The following LRRTM4 variants were observed in gnomAD, a reference collection of about 807,000 sequenced individuals.
LRRTM4 encodes leucine-rich repeat transmembrane neuronal protein 4.
A neutral mutation model predicts 47.6 loss-of-function variants in LRRTM4; 25 were observed. The ratio of observed to expected loss-of-function variants is 0.53; its 90% CI spans 0.38 to 0.73. LRRTM4 has a LOEUF of 0.73. Among genes scored for constraint, LRRTM4 ranks in the 30% least tolerant of loss-of-function variants. The pLI is 0.00. For synonymous variants in LRRTM4, 311 were observed against 269.5 expected (o/e 1.15, Z -1.51); for missense variants, 638 against 713.4 (o/e 0.89, Z 1.20).
intron 3 of LRRTM4, among the ~76,000 whole-genome samples, chr2:76,773,200 G>C (rs1328957783): frequency 6.6e-6 from 1 of 152,208 alleles, no homozygotes; most frequent in Non-Finnish European, 1.5e-5. Flanking sequence ...TCTGGGGAAT[G>C]ATAGGAGCCT....
chr2:76,908,190 T>C (rs9751963), intron 3 of LRRTM4, among the ~76,000 whole-genome samples: 3 of 148,470 alleles, frequency 2.0e-5, no homozygotes, highest in Admixed American at 6.7e-5. Context: ...TGGTTCAATA[T>C]ACGCAAATCA....
intron 3 of LRRTM4, among the ~76,000 whole-genome samples, chr2:76,868,372 A>G (rs1189689237): frequency 6.6e-6 from 1 of 152,200 alleles, no homozygotes; most frequent in East Asian, 1.9e-4. Context: ...GACATAAGTT[A>G]CGGTGGGTTT....
chr2:76,964,109 A>G (rs183750790), intron 3 of LRRTM4, among the ~76,000 whole-genome samples: 201 of 151,156 alleles, frequency 1.3e-3, no homozygotes, highest in Non-Finnish European at 1.1e-3. Context: ...TTGGAATTCT[A>G]AAATAAAAAT....
At chr2:77,467,886 A>G (rs1677039836) in intron 3 of LRRTM4, among the ~76,000 whole-genome samples, 1 of 152,204 alleles carries the variant, frequency 6.6e-6, no homozygotes, top group African/African-American at 2.4e-5. Flanking sequence ...TTTTTTAAAA[A>G]ATATCAAAGG....
intron 3 of LRRTM4, among the ~76,000 whole-genome samples, chr2:77,133,830 A>C (rs1330380555): frequency 6.6e-6 from 1 of 152,220 alleles, no homozygotes; most frequent in African/African-American, 2.4e-5. Flanking sequence ...CAGTTGGAAT[A>C]AATGTATGTG....
chr2:77,262,518 G>C (rs1160777712), intron 3 of LRRTM4, among the ~76,000 whole-genome samples: 2 of 147,054 alleles, frequency 1.4e-5, no homozygotes, highest in African/African-American at 2.6e-5. Flanking sequence ...TTTTTTTTCT[G>C]TTCTAGGATC....
At chr2:77,291,884 A>T (rs371824564) in intron 3 of LRRTM4, among the ~76,000 whole-genome samples, 4 of 152,234 alleles carry the variant, frequency 2.6e-5, no homozygotes, top group African/African-American at 9.6e-5. Context: ...ACAGCAAAAG[A>T]AACTACCATC....
At chr2:77,485,737 T>C (rs1347879456) in intron 3 of LRRTM4, among the ~76,000 whole-genome samples, 1 of 152,138 alleles carries the variant, frequency 6.6e-6, no homozygotes, top group Non-Finnish European at 1.5e-5. Flanking sequence ...GACACTATTA[T>C]TACTATTTTT....
chr2:77,291,403 T>G (rs576252928), intron 3 of LRRTM4, among the ~76,000 whole-genome samples: 14 of 152,250 alleles, frequency 9.2e-5, no homozygotes, highest in East Asian at 7.7e-4. Context: ...TTCTGCCATG[T>G]GTATTTTTAC....
At chr2:77,458,495 T>C (rs1257515467) in intron 3 of LRRTM4, among the ~76,000 whole-genome samples, 1 of 152,120 alleles carries the variant, frequency 6.6e-6, no homozygotes, top group African/African-American at 2.4e-5. Context: ...GAAGCAGCAC[T>C]GTGGCAGGGT....
intron 3 of LRRTM4, among the ~76,000 whole-genome samples, chr2:76,959,871 C>T (rs1334888189): frequency 6.6e-6 from 1 of 151,534 alleles, no homozygotes; most frequent in Non-Finnish European, 1.5e-5. Context: ...AACTCCAACC[C>T]TTATTTGGTT....
At position 77,466,015 on chromosome 2, in the gene LRRTM4, T is replaced by C. The variant is rs773414398; in HGVS notation, c.1551+52303A>G. ...ATTATAATCCATTCATAGAGCATAA[T>C]GCTTGTCTAACTCTGGCCCTAAGCA... On this transcript the variant is annotated intron_variant, in intron 3 of 3. Coordinates refer to ENST00000409884, the MANE Select transcript of LRRTM4 (RefSeq NM_001134745.3). Among the ~76,000 whole-genome samples the C allele has an allele frequency of 1.1e-3, 170 of 152,312 alleles. No individual in the cohort carries two copies. The Middle Eastern group carries it at 0.031, about 27-fold the overall frequency.
chr2:77,140,240 G>A (rs1320009326), intron 3 of LRRTM4, among the ~76,000 whole-genome samples: 2 of 152,166 alleles, frequency 1.3e-5, no homozygotes, highest in Admixed American at 1.3e-4. Flanking sequence ...AAATGCTATA[G>A]TAACCAAAAC....
chr2:77,258,777 C>T (rs113714386), intron 3 of LRRTM4, among the ~76,000 whole-genome samples: 1 of 151,664 alleles, frequency 6.6e-6, no homozygotes, highest in Non-Finnish European at 1.5e-5. Context: ...AATACAAGTT[C>T]CGCAACTCAA....
At chr2:77,483,428 C>T (rs1434411247) in intron 3 of LRRTM4, among the ~76,000 whole-genome samples, 1 of 152,048 alleles carries the variant, frequency 6.6e-6, no homozygotes, top group African/African-American at 2.4e-5. Context: ...GCAACCTCTG[C>T]CTCCCGGGTT....
At chr2:76,918,465 T>G (rs569759976) in intron 3 of LRRTM4, among the ~76,000 whole-genome samples, 1 of 152,190 alleles carries the variant, frequency 6.6e-6, no homozygotes, top group African/African-American at 2.4e-5. Flanking sequence ...TAAGATACAT[T>G]TGTCTAATAG....
At chr2:76,997,355 G>A (rs1170581453) in intron 3 of LRRTM4, among the ~76,000 whole-genome samples, 1 of 38,796 alleles carries the variant, frequency 2.6e-5, no homozygotes, top group East Asian at 1.3e-3. Context: ...ATTTCTCACT[G>A]TAAGTTTGAT....
chr2:77,081,100 T>G (rs1395037160), intron 3 of LRRTM4, among the ~76,000 whole-genome samples: 1 of 152,136 alleles, frequency 6.6e-6, no homozygotes, highest in Non-Finnish European at 1.5e-5. Flanking sequence ...CAGTTCTCAT[T>G]GCCTTTGGTT....
intron 3 of LRRTM4, among the ~76,000 whole-genome samples, chr2:77,128,076 G>C (rs1031141171): frequency 1.3e-4 from 20 of 151,788 alleles, no homozygotes; most frequent in African/African-American, 4.8e-4. Context: ...CCAGGAGGCA[G>C]AGGTTGCAGT....
Sources: allele counts gnomAD v4.1 joint callset (sites outside exome capture counted in the v4.1 genomes callset), GRCh38; gene constraint gnomAD v4.1.1; transcripts MANE v1.5; gene names NCBI Gene and HGNC (gene_info 2026-07-23, HGNC 2026-07-21).